GATB: variants seen among roughly 807,000 people sequenced by gnomAD.
GATB encodes glutamyl-tRNA(Gln) amidotransferase subunit B, mitochondrial.
GATB carries 39 observed loss-of-function variants against 62.3 expected under a neutral mutation model. That is an observed-to-expected ratio of 0.63 (90% CI 0.48 to 0.82). The LOEUF (loss-of-function observed/expected upper bound fraction) is 0.82, where lower values mean the gene tolerates loss of function less well. GATB is among the 40% of genes least tolerant of loss of function. GATB has a pLI of 0.00. For missense variants in GATB, 670 were observed against 684.0 expected (o/e 0.98, Z 0.23); for synonymous variants, 276 against 258.9 (o/e 1.07, Z -0.63).
At chr4:151,686,471 A>G (rs12641441) in intron 10 of GATB, among the ~76,000 whole-genome samples, 63,545 of 151,624 alleles carry the variant, frequency 0.42, 13,815 homozygotes, top group South Asian at 0.58. Flanking sequence ...TGCTGCTGAG[A>G]CAATGACACA....
intron 4 of GATB, 109 bp downstream of exon 4, chr4:151,716,767 T>C (rs1738920193): frequency 1.0e-6 from 1 of 986,630 alleles, no homozygotes; most frequent in Admixed American, 2.2e-5. Flanking sequence ...ATCAGGCTCC[T>C]GTGACTGCTT....
At chr4:151,723,991 AC>A (rs1455478892) in intron 2 of GATB, 2 of 152,146 alleles carry the variant, frequency 1.3e-5, no homozygotes, top group Non-Finnish European at 2.9e-5. Flanking sequence ...TTATTGTAAG[AC>A]CTGAGTAGTG....
intron 2 of GATB, among the ~76,000 whole-genome samples, chr4:151,734,990 C>T (rs558377177): frequency 6.6e-6 from 1 of 152,264 alleles, no homozygotes; most frequent in East Asian, 1.9e-4. Context: ...TAGAAGATAA[C>T]ATTTGAAAAA....
At chr4:151,718,185 G>A (rs1738952252) in intron 3 of GATB, among the ~76,000 whole-genome samples, 1 of 152,190 alleles carries the variant, frequency 6.6e-6, no homozygotes, top group South Asian at 2.1e-4. Flanking sequence ...AGATGATGAT[G>A]TCAGTGCCCT....
intron 9 of GATB, among the ~76,000 whole-genome samples, chr4:151,697,963 A>ATATATGTGTG (rs1738514960): frequency 8.6e-6 from 1 of 116,708 alleles, no homozygotes; most frequent in African/African-American, 4.1e-5. Context: ...GTATATATAT[A>ATATATGTGTG]TATATATATA....
chr4:151,715,670 G>A (rs978562022), intron 5 of GATB, among the ~76,000 whole-genome samples: 1 of 152,108 alleles, frequency 6.6e-6, no homozygotes, highest in African/African-American at 2.4e-5. Flanking sequence ...CTATCTATAC[G>A]GTACTCACTA....
At chr4:151,731,971 C>A (rs1739269023) in intron 2 of GATB, among the ~76,000 whole-genome samples, 1 of 111,684 alleles carries the variant, frequency 9.0e-6, no homozygotes, top group Non-Finnish European at 1.9e-5. Context: ...GGGGGGTCAG[C>A]CCCTGCCCGG....
intron 6 of GATB, 94 bp from the exon 7 acceptor site, chr4:151,705,363 TAAAA>T: frequency 1.7e-6 from 1 of 602,546 alleles, no homozygotes; most frequent in African/African-American, 1.9e-5. Flanking sequence ...ATCTCTAAGT[TAAAA>T]AAAAAAAAAA....
Position 151,670,887 on chromosome 4 carries a change from TTCCTTAATACAAGAAGGTGTTAC to T in GATB, c.*264_*286del, listed in dbSNP as rs1241006568. The T allele has an allele frequency of 3.4e-5, 11 of 325,604 alleles. No individual in the cohort carries two copies. The highest frequency in any genetic ancestry group is 5.6e-5 in the Non-Finnish European group (10 of 177,316). 20.2% of individuals were successfully genotyped at this position (325,604 alleles called of 1,614,324 possible). ...AACATACATTTTATTTAGTTTAAAA[TTCCTTAATACAAGAAGGTGTTAC>T]TCCTTAACCACTGCTGCAGCCTCAC... On this transcript the variant is annotated 3_prime_UTR_variant, in exon 13 of 13. Coordinates refer to ENST00000263985, the MANE Select transcript of GATB (RefSeq NM_004564.3).
At chr4:151,742,831 G>C (rs1327301211) in intron 2 of GATB, among the ~76,000 whole-genome samples, 2 of 152,134 alleles carry the variant, frequency 1.3e-5, no homozygotes, top group East Asian at 3.9e-4. Context: ...ATCATCTACT[G>C]CCAGCCAGAA....
At chr4:151,731,483 C>T (rs1348954016) in intron 2 of GATB, among the ~76,000 whole-genome samples, 4 of 152,312 alleles carry the variant, frequency 2.6e-5, no homozygotes, top group East Asian at 3.9e-4. Flanking sequence ...ACCTCCCAGC[C>T]GCCTGCCTTG....
chr4:151,703,923 A>C (rs1214765870), intron 7 of GATB, 28 bp from the exon 8 acceptor site: 2 of 1,569,366 alleles, frequency 1.3e-6, no homozygotes, highest in Non-Finnish European at 1.8e-6. Context: ...GAAAACATTA[A>C]ACATTGAAAG....
At position 151,758,812 on chromosome 4, in the gene GATB, A is replaced by C. The variant is rs149849085; in HGVS notation, c.287T>G (p.Leu96Trp). 4 of 1,609,206 alleles carry C rather than the reference A, an allele frequency of 2.5e-6. No homozygotes were observed. The South Asian group carries it at 4.5e-5, about 18-fold the overall frequency. ...QVRFSAPPNS[L>W]VSFFDASLPG... is the part of the protein sequence containing the mutation. Reference sequence around the variant, plus strand: ...TAGAGATGCATCAAAAAAAGAAACCAAAGAATTTGGAGGTGCTGAAAAGCG... The same window carrying C: ...TAGAGATGCATCAAAAAAAGAAACCCAAGAATTTGGAGGTGCTGAAAAGCG... Residue 96 changes from leucine (L) to tryptophan (W), a missense_variant, in exon 2 of 13, where the codon TTG (leucine) becomes TGG (tryptophan). By Grantham distance (61) the Leu-to-Trp change is moderately conservative. Transcript: ENST00000263985.
Position 151,716,919 on chromosome 4 carries a change from G to A in GATB, c.597C>T (p.His199=), listed in dbSNP as rs745717802. The A allele has an allele frequency of 5.0e-6, 8 of 1,614,184 alleles. No homozygotes were observed. The highest frequency in any genetic ancestry group is 3.3e-5 in the Admixed American group (2 of 60,020). The change falls in exon 4 of 13, where the codon CAC becomes CAT. Residue 199 remains histidine, a synonymous_variant. Coordinates refer to ENST00000263985, the MANE Select transcript of GATB (RefSeq NM_004564.3). ...TGAGCGTCTGAGACCTCAGGTTGTC[G>A]TGGAGGCTTTTGCCACTGTCTTGCT... ...QLEQDSGKSL[H]DNLRSQTLID...
intron 11 of GATB, chr4:151,674,830 T>A (rs1737961422): frequency 6.6e-6 from 1 of 152,218 alleles, no homozygotes; most frequent in Non-Finnish European, 1.5e-5. Context: ...AAACCACCTG[T>A]AAGGACTTGC....
rs1367801785 is a variant in GATB at position 151,697,981 on chromosome 4, A to ATGTG, written c.1197+3347_1197+3348insCACA. Among the ~76,000 whole-genome samples, 18 of 132,998 alleles carry ATGTG rather than the reference A, an allele frequency of 1.4e-4. 1 individual carries two copies. Among genetic ancestry groups the ATGTG allele is most frequent in the African/African-American group, 4.8e-4 (16 of 33,390 alleles). The allele number at this position is 132,998 out of a possible 152,430, so 87.3% of individuals were successfully genotyped here. Reference sequence around the variant, plus strand: ...TATATATATATATATATATATATATATATATATATATATGAAATGAAGGCA... The same window carrying ATGTG: ...TATATATATATATATATATATATATATGTGTATATATATATATGAAATGAAGGCA... On this transcript the variant is annotated intron_variant, in intron 9 of 12. Coordinates refer to ENST00000263985, the MANE Select transcript of GATB (RefSeq NM_004564.3).
rs1560870489 is a variant in GATB, at chr4:151,760,990, CCAGGGTCTTGGT to C, written c.-20_-9del. 6.2e-7 allele frequency: 1 copy of C among 1,608,554 alleles called. No individual in the cohort carries two copies. The highest frequency in any genetic ancestry group is 8.5e-7 in the Non-Finnish European group (1 of 1,178,024). On this transcript the variant is annotated 5_prime_UTR_variant, in exon 1 of 13. Transcript: ENST00000263985. ...CAGCATGGGCGCCGCCATTGTAACT[CCAGGGTCTTGGT>C]CAGGTGACTCAGCCTCACTATGCCG... is the stretch of plus-strand genomic sequence containing the variant.
At chr4:151,731,781 G>C (rs1739258231) in intron 2 of GATB, among the ~76,000 whole-genome samples, 2 of 151,416 alleles carry the variant, frequency 1.3e-5, no homozygotes, top group Admixed American at 6.6e-5. Context: ...CGTCTGGGAG[G>C]TGAGGAGCGT....
Position 151,760,833 on chromosome 4 carries a change from G to C in GATB, c.150C>G (p.Leu50=). ...RGESSVAQQP[L]HTAQKTRKGE... ...CTTTCCTCGTCTTCTGGGCCGTGTG[G>C]AGGGGCTGCTGAGCCACTGAGCTCT... The change falls in exon 1 of 13, where the codon CTC becomes CTG. Residue 50 remains leucine, a synonymous_variant. Coordinates refer to ENST00000263985, the MANE Select transcript of GATB (RefSeq NM_004564.3). The C allele has an allele frequency of 1.2e-6, 2 of 1,610,964 alleles. No individual in the cohort carries two copies. The highest frequency in any genetic ancestry group is 1.7e-6 in the Non-Finnish European group (2 of 1,178,478).
Sources: allele counts gnomAD v4.1 joint callset (sites outside exome capture counted in the v4.1 genomes callset), GRCh38; gene constraint gnomAD v4.1.1; transcripts MANE v1.5; gene names NCBI Gene and HGNC (gene_info 2026-07-23, HGNC 2026-07-21).